The following KRI1 variants were observed in gnomAD, a reference collection of about 807,000 sequenced individuals.
KRI1 encodes the protein protein KRI1 homolog.
Under a neutral mutation model 97.0 loss-of-function variants are expected in KRI1, and 83 were observed. The observed-to-expected ratio is 0.86, with a 90% CI of 0.72 to 1.03. The LOEUF (loss-of-function observed/expected upper bound fraction) is 1.03. Ranked by LOEUF, KRI1 falls within the 50% of genes least tolerant of loss-of-function variation. The pLI is 0.00. For missense variants in KRI1, 916 were observed against 928.4 expected (o/e 0.99, Z 0.17); for synonymous variants, 371 against 363.5 (o/e 1.02, Z -0.23).
chr19:10,560,181 G>C lies in KRI1; in HGVS notation c.800+131C>G. The C allele has an allele frequency of 2.1e-6, 3 of 1,413,726 alleles. No homozygotes were observed. The South Asian group carries it at 4.4e-5, about 21-fold the overall frequency. 87.6% of individuals were successfully genotyped at this position (1,413,726 alleles called of 1,614,324 possible). ...CTATACTCTGTGGCTCTGCCTTACA[G>C]AAGACTAACTCTGCCACCATCTGTG... On this transcript the variant is annotated intron_variant, in intron 9 of 18. Coordinates refer to ENST00000312962, the MANE Select transcript of KRI1 (RefSeq NM_023008.5).
At chr19:10,564,692 G>A (rs1916806468) in intron 3 of KRI1, among the ~76,000 whole-genome samples, 1 of 152,144 alleles carries the variant, frequency 6.6e-6, no homozygotes, top group South Asian at 2.1e-4. Context: ...CTCTGCTAAG[G>A]ACTTGTGACT....
chr19:10,564,904 G>C, intron 3 of KRI1, 25 bp downstream of exon 3: 2 of 1,428,408 alleles, frequency 1.4e-6, no homozygotes, highest in Non-Finnish European at 2.0e-6. Flanking sequence ...AGGAAGGAGA[G>C]GTTTAGACAG....
Position 10,564,876 on chromosome 19 carries a change from C to T in KRI1, c.274+53G>A, listed in dbSNP as rs551467015. 5.1e-5 allele frequency: 59 copies of T among 1,147,962 alleles called. No homozygotes were observed. In the African/African-American group the frequency reaches 6.2e-4, roughly 12 times the overall value. 71.1% of individuals were successfully genotyped at this position (1,147,962 alleles called of 1,614,324 possible). On this transcript the variant is annotated intron_variant, in intron 3 of 18. Transcript: ENST00000312962. ...CTCTGAATCCACAGTCAGGAAAGGA[C>T]CCCGGATTCTGCTCCAGAGGAAGGA...
Position 10,565,510 on chromosome 19 carries a change from C to T in KRI1, c.168+207G>A, listed in dbSNP as rs370168619. On this transcript the variant is annotated intron_variant, in intron 2 of 18. Transcript: ENST00000312962. Reference sequence around the variant, plus strand: ...CACATCAGAGTGGGCAGGTGGGGATCGTGGCAGGGGAGAGAAAATAACGGG... The same window carrying T: ...CACATCAGAGTGGGCAGGTGGGGATTGTGGCAGGGGAGAGAAAATAACGGG... 38 of 594,890 alleles carry T rather than the reference C, an allele frequency of 6.4e-5. No homozygotes were observed. In the African/African-American group the frequency reaches 7.4e-4, roughly 12 times the overall value. The allele number at this position is 594,890 out of a possible 1,614,324, so 36.9% of individuals were successfully genotyped here.
At position 10,553,836 on chromosome 19, in the gene KRI1, C is replaced by T. The variant is rs1048867119; in HGVS notation, c.*115G>A. 2.2e-5 allele frequency: 20 copies of T among 926,928 alleles called. No individual in the cohort carries two copies. The highest frequency in any genetic ancestry group is 1.0e-4 in the African/African-American group (6 of 59,276). 57.4% of individuals were successfully genotyped at this position (926,928 alleles called of 1,614,324 possible). On this transcript the variant is annotated 3_prime_UTR_variant, in exon 19 of 19. Coordinates refer to ENST00000312962, the MANE Select transcript of KRI1 (RefSeq NM_023008.5). Reference sequence around the variant, plus strand: ...CCTCCCAAAGTGCTGGGATTACAGGCGTGCCTGGCCACAGATGAGAGGATC... The same window carrying T: ...CCTCCCAAAGTGCTGGGATTACAGGTGTGCCTGGCCACAGATGAGAGGATC...
rs774583480 is a variant in KRI1, at chr19:10,561,260, C to T, written c.494G>A (p.Arg165Gln). 16 of 1,613,964 alleles carry T rather than the reference C, an allele frequency of 9.9e-6. No individual in the cohort carries two copies. The highest frequency in any genetic ancestry group is 8.0e-5 in the African/African-American group (6 of 74,924). Residue 165 changes from arginine to glutamine, a missense_variant, in exon 7 of 19, where the codon CGG becomes CAG. Physicochemically the swap from Arg to Gln is conservative, Grantham distance 43. Transcript: ENST00000312962. ...EEQKQLKESF[R>Q]AFVEDSEDED... The stretch of plus-strand genomic sequence containing the variant: ...GTCCTCACTGTCCTCCACAAATGCC[C>T]GGAAGCTGCCCACGAGAGAAAACAA...
intron 2 of KRI1, chr19:10,565,427 C>T (rs1362024055): frequency 1.9e-6 from 1 of 525,706 alleles, no homozygotes. Flanking sequence ...TAAAAAATGG[C>T]TAGACTCTTG....
At position 10,553,820 on chromosome 19, in the gene KRI1, G is replaced by A. The variant is rs931369464; in HGVS notation, c.*131C>T. On this transcript the variant is annotated 3_prime_UTR_variant, in exon 19 of 19. Transcript: ENST00000312962. ...GATCCTTTCACCTCGGCCTCCCAAA[G>A]TGCTGGGATTACAGGCGTGCCTGGC... 1.2e-6 allele frequency: 1 copy of A among 821,138 alleles called. No individual in the cohort carries two copies. 50.9% of individuals were successfully genotyped at this position (821,138 alleles called of 1,614,324 possible).
chr19:10,560,928 T>C, intron 8 of KRI1, 75 bp downstream of exon 8: 4 of 1,131,988 alleles, frequency 3.5e-6, no homozygotes, highest in Non-Finnish European at 5.4e-6. Flanking sequence ...CTTCAGAGGG[T>C]TACTTTCTGT....
chr19:10,565,138 A>G, intron 2 of KRI1, 104 bp from the exon 3 acceptor site: 1 of 778,926 alleles, frequency 1.3e-6, no homozygotes, highest in Non-Finnish European at 2.2e-6. Context: ...AGGGGGGTGG[A>G]TCTGGCTGGG....
In KRI1 at chr19:10,565,784, T is replaced by A; in HGVS notation, c.101A>T (p.Asp34Val). The A allele has an allele frequency of 6.4e-7, 1 of 1,573,658 alleles. No individual in the cohort carries two copies. ...REREELQRLK[D>V]RYGDRDSSSD... ...GCTGCTGTCTCGGTCCCCGTAGCGATCCTTCACTGCGGGACACAGACGGGA... is the reference window on the plus strand; with the variant it reads ...GCTGCTGTCTCGGTCCCCGTAGCGAACCTTCACTGCGGGACACAGACGGGA... The change falls in exon 2 of 19, where the codon GAT (aspartate) becomes GTT (valine). Residue 34 changes from aspartate (D) to valine (V), a missense_variant. Asp to Val is a radical substitution (Grantham distance 152). This residue lies in a region of KRI1 where 173 missense variants were observed against 153.1 expected (regional missense o/e 1.13). Coordinates refer to ENST00000312962, the MANE Select transcript of KRI1 (RefSeq NM_023008.5).
In KRI1 at chr19:10,562,814, C is replaced by T; in HGVS notation, c.298G>A (p.Asp100Asn). 1.2e-6 allele frequency: 2 copies of T among 1,611,626 alleles called. No individual in the cohort carries two copies. Among genetic ancestry groups the T allele is most frequent in the Non-Finnish European group, 1.7e-6 (2 of 1,177,734 alleles). Residue 100 changes from aspartate (D) to asparagine (N), a missense_variant, in exon 4 of 19, where the codon GAC (aspartate) becomes AAC (asparagine). Asp to Asn is a conservative substitution (Grantham distance 23, BLOSUM62 1). Around this residue, in one of 3 missense-constraint regions of KRI1, gnomAD observed 173 missense variants for 153.1 expected, o/e 1.13. Transcript: ENST00000312962. The part of the protein sequence containing the change: ...RTASSSDSEE[D>N]PEALEKQKKV... ...TTCTGCTTCTCCAAGGCTTCTGGGT[C>T]CTCCTCACTGTCTGATGACGATGCT...
rs1250438625 is a variant in KRI1, at chr19:10,564,880, G to A, written c.274+49C>T. ...GAATCCACAGTCAGGAAAGGACCCC[G>A]GATTCTGCTCCAGAGGAAGGAGAGG... On this transcript the variant is annotated intron_variant, in intron 3 of 18. Transcript: ENST00000312962. 8 of 1,208,310 alleles carry A rather than the reference G, an allele frequency of 6.6e-6. No homozygotes were observed. In the East Asian group the frequency reaches 7.0e-5, roughly 11 times the overall value. 74.8% of individuals were successfully genotyped at this position (1,208,310 alleles called of 1,614,324 possible). A position where few individuals can be genotyped will look rare whatever the true frequency, so the allele number is the denominator to read the frequency against.
rs762244246 is a variant in KRI1 at position 10,559,579 on chromosome 19, G to A, written c.1023+34C>T. 12 of 1,612,632 alleles carry A rather than the reference G, an allele frequency of 7.4e-6. No individual in the cohort carries two copies. The Admixed American group carries it at 8.3e-5, about 11-fold the overall frequency. ...AGGGCATGGGCTTTCCTCCAGGGCT[G>A]GGGGGTCCTCCCCAGCTCACCCCCC... On this transcript the variant is annotated intron_variant, in intron 11 of 18. Transcript: ENST00000312962.
intron 3 of KRI1, 88 bp downstream of exon 3, chr19:10,564,841 C>G: frequency 2.4e-6 from 2 of 841,644 alleles, no homozygotes; most frequent in Non-Finnish European, 4.1e-6. Context: ...TCAGAGAAGT[C>G]AAGTCACTTC....
Position 10,557,986 on chromosome 19 carries a change from C to G in KRI1, c.1345G>C (p.Asp449His), listed in dbSNP as rs746419085. The G allele has an allele frequency of 6.2e-7, 1 of 1,614,124 alleles. No homozygotes were observed. Among genetic ancestry groups the G allele is most frequent in the Admixed American group, 1.7e-5 (1 of 60,028 alleles). ...GTGATACCTACGTTGAAGTTGGGGT[C>G]CTCACAGTGCAGCTCCTGCTGGCTC... The part of the protein sequence containing the change: ...DWSQQELHCE[D>H]PNFNMDADYD... Residue 449 changes from aspartate to histidine, a missense_variant, in exon 14 of 19, where the codon GAC (aspartate) becomes CAC (histidine). Asp to His is a moderately conservative substitution (Grantham distance 81). Around this residue, in one of 3 missense-constraint regions of KRI1, gnomAD observed 672 missense variants for 667.2 expected, o/e 1.01. Coordinates refer to ENST00000312962, the MANE Select transcript of KRI1 (RefSeq NM_023008.5).
At chr19:10,555,817 A>G (rs1916487260) in intron 16 of KRI1, among the ~76,000 whole-genome samples, 1 of 152,170 alleles carries the variant, frequency 6.6e-6, no homozygotes. Flanking sequence ...GGCTATTTTT[A>G]CTGACCATGA....
chr19:10,565,818 C>CG (rs1555750219), intron 1 of KRI1, 28 bp from the exon 2 acceptor site: 13 of 1,549,966 alleles, frequency 8.4e-6, no homozygotes, highest in East Asian at 2.4e-5. Context: ...GATGCCCCCC[C>CG]CCAGGTCAGC....
intron 12 of KRI1, among the ~76,000 whole-genome samples, chr19:10,559,059 C>T (rs1916609007): frequency 6.7e-6 from 1 of 150,154 alleles, no homozygotes; most frequent in Non-Finnish European, 1.5e-5. Context: ...GGCTGGAATG[C>T]AGTGGCATGA....
Sources: gnomAD v4.1 joint callset for allele counts (sites outside exome capture counted in the v4.1 genomes callset) on GRCh38, gnomAD v4.1.1 for gene constraint, gnomAD v4.1.1 regional missense constraint, MANE v1.5 for transcripts, NCBI Gene and HGNC (gene_info 2026-07-23, HGNC 2026-07-21) for gene names.